The following CCDC146 variants were observed in gnomAD, a reference collection of about 807,000 sequenced individuals.
The protein encoded by CCDC146 is coiled-coil domain containing 146, also known as coiled-coil domain-containing protein 146.
Under a neutral mutation model 119.3 loss-of-function variants are expected in CCDC146, and 92 were observed. The observed-to-expected ratio is 0.77, with a 90% CI of 0.65 to 0.92. The LOEUF (loss-of-function observed/expected upper bound fraction) is 0.92. Among genes scored for constraint, CCDC146 ranks in the 40% least tolerant of loss-of-function variants. The pLI is 0.00. For missense variants in CCDC146, 1,000 were observed against 1,103.0 expected, an observed-to-expected ratio of 0.91 and a Z score of 1.32; for synonymous variants, 372 against 371.8, an observed-to-expected ratio of 1.00 and a Z score of -0.01.
intron 2 of CCDC146, among the ~76,000 whole-genome samples, chr7:77,230,249 A>C (rs546323541): frequency 6.6e-6 from 1 of 152,218 alleles, no homozygotes; most frequent in East Asian, 1.9e-4. Context: ...TGACGCTGCC[A>C]TATTTGTGTC....
chr7:77,294,463 G>GGT (rs61323999), intron 18 of CCDC146, among the ~76,000 whole-genome samples, 200 bp from the exon 19 acceptor site: 10,917 of 134,098 alleles, frequency 0.081, 598 homozygotes, highest in African/African-American at 0.17. Context: ...ATGAGAGGTA[G>GGT]GTGTGTGTGT....
Position 77,259,006 on chromosome 7 carries a change from C to G in CCDC146, c.696C>G (p.Ala232=), listed in dbSNP as rs560413840. 6.2e-7 allele frequency: 1 copy of G among 1,611,346 alleles called. No individual in the cohort carries two copies. The highest frequency in any genetic ancestry group is 8.5e-7 in the Non-Finnish European group (1 of 1,178,072). ...CGTTTCTTTACTAGGATGAAGTGGCCCACCATCAAACCATTCCAGTACAAA... is the reference window on the plus strand; with the variant it reads ...CGTTTCTTTACTAGGATGAAGTGGCGCACCATCAAACCATTCCAGTACAAA... The part of the protein sequence containing the change: ...GHQVVLKDEV[A]HHQTIPVQIG... Residue 232 remains alanine (A), a synonymous_variant, in exon 7 of 19, where the codon GCC becomes GCG. Coordinates refer to ENST00000285871, the MANE Select transcript of CCDC146 (RefSeq NM_020879.3).
intron 9 of CCDC146, 136 bp downstream of exon 9, chr7:77,262,443 C>T (rs968645933): frequency 3.9e-5 from 25 of 641,232 alleles, no homozygotes; most frequent in Admixed American, 9.9e-5. Flanking sequence ...TTTTCAAATG[C>T]GTCAAGCCTA....
In CCDC146 at chr7:77,260,071, A is replaced by G; in HGVS notation, c.821A>G (p.Lys274Arg). The G allele has an allele frequency of 1.2e-6, 2 of 1,613,998 alleles. No homozygotes were observed. Among genetic ancestry groups the G allele is most frequent in the Non-Finnish European group, 8.5e-7 (1 of 1,180,020 alleles). ...GTCAAAACGCTAAATGACTCCCTAA[A>G]GAAAGTTGAAAACAAGGTTAGTGCT... Reference protein sequence around the residue: ...QEVKTLNDSLKKVENKVSAIV... With the variant: ...QEVKTLNDSLRKVENKVSAIV... The change falls in exon 8 of 19, where the codon AAG (lysine) becomes AGG (arginine). Residue 274 changes from lysine to arginine, a missense_variant. Coordinates refer to ENST00000285871, the MANE Select transcript of CCDC146 (RefSeq NM_020879.3).
At chr7:77,249,748 T>G (rs1446434674) in intron 4 of CCDC146, among the ~76,000 whole-genome samples, 1 of 152,262 alleles carries the variant, frequency 6.6e-6, no homozygotes, top group East Asian at 1.9e-4. Context: ...CTTGTTTTTG[T>G]TTGTTTGTTT....
chr7:77,221,764 GT>G (rs1780612688), intron 2 of CCDC146, among the ~76,000 whole-genome samples: 1 of 152,186 alleles, frequency 6.6e-6, no homozygotes, highest in Non-Finnish European at 1.5e-5. Flanking sequence ...ATGAGAGATG[GT>G]GGCCTGATTC....
rs144710848 is a variant in CCDC146, at chr7:77,199,437, T to C, written c.156+31613T>C. On this transcript the variant is annotated intron_variant, in intron 2 of 18. Coordinates refer to ENST00000285871, the MANE Select transcript of CCDC146 (RefSeq NM_020879.3). ...TATCACCAACCTCTCCCGGGGCTCC[T>C]GTACTGGGTAACAACAGTCCGTTTC... 5 of 1,614,176 alleles carry C rather than the reference T, an allele frequency of 3.1e-6. No individual in the cohort carries two copies. The African/African-American group carries it at 5.3e-5, about 17-fold the overall frequency.
At chr7:77,166,621 T>C (rs1791341130) in intron 1 of CCDC146, among the ~76,000 whole-genome samples, 1 of 151,952 alleles carries the variant, frequency 6.6e-6, no homozygotes, top group South Asian at 2.1e-4. Flanking sequence ...ACATCAAAAA[T>C]ATTTTCTTAG....
chr7:77,202,921 G>T (rs999655882), intron 2 of CCDC146, among the ~76,000 whole-genome samples: 2 of 151,836 alleles, frequency 1.3e-5, no homozygotes, highest in African/African-American at 2.4e-5. Flanking sequence ...TAGGAGGAAA[G>T]ATAACATGGG....
At chr7:77,290,873 T>G (rs1323659263) in intron 17 of CCDC146, among the ~76,000 whole-genome samples, 2 of 152,232 alleles carry the variant, frequency 1.3e-5, no homozygotes, top group Non-Finnish European at 2.9e-5. Flanking sequence ...TGTGACCAGA[T>G]ATGCTCTGTT....
intron 1 of CCDC146, among the ~76,000 whole-genome samples, chr7:77,160,493 TA>T (rs1455938343): frequency 6.6e-6 from 1 of 152,190 alleles, no homozygotes; most frequent in Admixed American, 6.5e-5. Flanking sequence ...ACGTCCCTTG[TA>T]AGTTGGATTC....
chr7:77,274,175 G>A (rs899232719), intron 10 of CCDC146, among the ~76,000 whole-genome samples: 1 of 152,058 alleles, frequency 6.6e-6, no homozygotes, highest in Admixed American at 6.6e-5. Context: ...TTAACCCATC[G>A]ATTTTCACAT....
At chr7:77,134,059 G>A (rs188386357) in intron 1 of CCDC146, among the ~76,000 whole-genome samples, 34 of 152,256 alleles carry the variant, frequency 2.2e-4, no homozygotes, top group Admixed American at 2.2e-3. Flanking sequence ...CCCTGCATAA[G>A]AGAAAAGTTG....
chr7:77,291,852 T>C (rs1413821327), intron 17 of CCDC146, among the ~76,000 whole-genome samples: 1 of 152,222 alleles, frequency 6.6e-6, no homozygotes, highest in Admixed American at 6.5e-5. Context: ...AACATGTCAA[T>C]GTGATGGTTT....
intron 2 of CCDC146, among the ~76,000 whole-genome samples, chr7:77,189,360 A>T (rs11505821): frequency 0.16 from 24,533 of 151,960 alleles, 3,641 homozygotes; most frequent in African/African-American, 0.4. Context: ...TGTCACCTCT[A>T]CCTTCAAAAT....
At chr7:77,253,777 C>A (rs1002967358) in intron 4 of CCDC146, among the ~76,000 whole-genome samples, 16 of 152,196 alleles carry the variant, frequency 1.1e-4, no homozygotes, top group African/African-American at 3.9e-4. Context: ...GATGGCCAGG[C>A]ACCTCTATGA....
intron 2 of CCDC146, among the ~76,000 whole-genome samples, chr7:77,219,686 C>T (rs967223061): frequency 2.0e-5 from 3 of 151,978 alleles, no homozygotes; most frequent in African/African-American, 7.3e-5. Flanking sequence ...TTCTATTTTC[C>T]CTAAGTGTCA....
intron 2 of CCDC146, among the ~76,000 whole-genome samples, chr7:77,229,205 A>G (rs1792574480): frequency 6.6e-6 from 1 of 152,118 alleles, no homozygotes; most frequent in African/African-American, 2.4e-5. Context: ...TACATTCCTT[A>G]TAGATGCTGG....
intron 17 of CCDC146, among the ~76,000 whole-genome samples, chr7:77,288,154 G>A (rs1470443982): frequency 6.6e-6 from 1 of 152,200 alleles, no homozygotes; most frequent in Admixed American, 6.5e-5. Context: ...ACTGCTAGAA[G>A]CTGCACTGAA....
Sources: gnomAD v4.1 joint callset for allele counts (sites outside exome capture counted in the v4.1 genomes callset) on GRCh38, gnomAD v4.1.1 for gene constraint, MANE v1.5 for transcripts, NCBI Gene and HGNC (gene_info 2026-07-23, HGNC 2026-07-21) for gene names.